Variants in DCT observed in about 807,000 individuals in gnomAD.
DCT encodes the protein L-dopachrome tautomerase.
In DCT, 47 loss-of-function variants were observed where a neutral mutation model predicts 53.0. That is an observed-to-expected ratio of 0.89 (90% CI 0.70 to 1.13). The LOEUF (loss-of-function observed/expected upper bound fraction) is 1.13. Ranked by LOEUF, DCT falls within the 50% of genes most tolerant of loss-of-function variation. The probability of loss-of-function intolerance (pLI) is 0.00; values close to 1 mark genes in which losing one functional copy is unlikely to be tolerated. For synonymous variants in DCT, 244 were observed against 237.0 expected (o/e 1.03, Z -0.27); for missense variants, 669 against 637.4 (o/e 1.05, Z -0.53).
chr13:94,477,157 G>A lies in DCT; in HGVS notation c.295+1804C>T, dbSNP rs547473708. Reference sequence around the variant, plus strand: ...GTCACCCAGGCTGGAGTGCAGTGGTGTGATTTCTGCTCACTGCAACCTCTG... The same window carrying A: ...GTCACCCAGGCTGGAGTGCAGTGGTATGATTTCTGCTCACTGCAACCTCTG... On this transcript the variant is annotated intron_variant, in intron 1 of 7. Coordinates refer to ENST00000377028, the MANE Select transcript of DCT (RefSeq NM_001922.5). 7.8e-3 allele frequency among the ~76,000 whole-genome samples: 1,194 copies of A among 152,120 alleles called. 12 individuals are homozygous for A. Among genetic ancestry groups the A allele is most frequent in the African/African-American group, 0.027 (1,103 of 41,494 alleles).
intron 6 of DCT, chr13:94,452,626 T>G: frequency 1.3e-6 from 1 of 770,464 alleles, no homozygotes; most frequent in Admixed American, 1.7e-5. Context: ...TCAAGGATGT[T>G]TGTTGTAGCA....
At chr13:94,546,403 A>T in the DCT span, among the ~76,000 whole-genome samples, 3 of 152,190 alleles carry the variant, frequency 2.0e-5, no homozygotes, top group African/African-American at 7.2e-5. This position sits in a 1 kb window ranked among gnomAD's most constrained non-coding sequence, Gnocchi z 4.2. Flanking sequence ...GTACAAATCA[A>T]AGTTCAGTTC....
the DCT span, among the ~76,000 whole-genome samples, chr13:94,527,077 T>C: frequency 7.9e-5 from 12 of 152,264 alleles, no homozygotes; most frequent in Admixed American, 3.9e-4. Context: ...GAGGGGCGTC[T>C]GCCATCGCTG....
At chr13:94,489,542 C>T in the DCT span, among the ~76,000 whole-genome samples, 1 of 152,170 alleles carries the variant, frequency 6.6e-6, no homozygotes, top group African/African-American at 2.4e-5. Context: ...GTACTTAGCA[C>T]ATTTTTATTA....
rs1425174856 is a variant in DCT, at chr13:94,437,040, C to T, written c.*2858G>A. 1 of 65,674 alleles carries T rather than the reference C, an allele frequency of 1.5e-5. No homozygotes were observed. 4.1% of individuals were successfully genotyped at this position (65,674 alleles called of 1,614,324 possible). A position where few individuals can be genotyped will look rare whatever the true frequency, so the allele number is the denominator to read the frequency against. ...CCTGCTTCCACCCCAGGATTAGTCACTAAACTGTGGGGAATATCAAAAGTA... is the reference window on the plus strand; with the variant it reads ...CCTGCTTCCACCCCAGGATTAGTCATTAAACTGTGGGGAATATCAAAAGTA... On this transcript the variant is annotated 3_prime_UTR_variant, in exon 8 of 8. Transcript: ENST00000377028.
chr13:94,489,093 T>C, the DCT span, among the ~76,000 whole-genome samples: 1 of 152,124 alleles, frequency 6.6e-6, no homozygotes, highest in South Asian at 2.1e-4. Flanking sequence ...ATGGGCCTAA[T>C]GGGGTGAGGA....
At chr13:94,520,610 G>A in the DCT span, among the ~76,000 whole-genome samples, 3 of 152,130 alleles carry the variant, frequency 2.0e-5, no homozygotes, top group Non-Finnish European at 4.4e-5. Context: ...TGATTCCCCA[G>A]GAAGAATCAA....
At chr13:94,445,177 A>G (rs1882637134) in intron 6 of DCT, among the ~76,000 whole-genome samples, 1 of 152,254 alleles carries the variant, frequency 6.6e-6, no homozygotes, top group South Asian at 2.1e-4. Context: ...TTTCTTGACT[A>G]ACATGCTTTT....
the DCT span, among the ~76,000 whole-genome samples, chr13:94,534,089 G>A: frequency 6.6e-6 from 1 of 151,694 alleles, no homozygotes; most frequent in African/African-American, 2.4e-5. Flanking sequence ...GTTGGCTGCA[G>A]CTTCAGTCCA....
At chr13:94,531,028 C>T in the DCT span, among the ~76,000 whole-genome samples, 1 of 152,134 alleles carries the variant, frequency 6.6e-6, no homozygotes, top group Admixed American at 6.5e-5. Context: ...CATAAGTGAA[C>T]TCCCATTCAC....
At chr13:94,496,597 G>C in the DCT span, among the ~76,000 whole-genome samples, 2 of 152,114 alleles carry the variant, frequency 1.3e-5, no homozygotes, top group Non-Finnish European at 2.9e-5. Flanking sequence ...TGGTGGTAAG[G>C]GACATAATTT....
At chr13:94,536,318 A>G in the DCT span, among the ~76,000 whole-genome samples, 4 of 152,202 alleles carry the variant, frequency 2.6e-5, no homozygotes, top group African/African-American at 9.7e-5. Flanking sequence ...GATGCCTCCA[A>G]GAAGCTGCTC....
rs1343820957 is a variant in DCT, at chr13:94,439,048, T to G, written c.*850A>C. ...AGCCTCACCAGCCTTCAGTCAGCCT[T>G]CCTTGGAAAGAGTAATTCTGTATTT... On this transcript the variant is annotated 3_prime_UTR_variant, in exon 8 of 8. Coordinates refer to ENST00000377028, the MANE Select transcript of DCT (RefSeq NM_001922.5). 5.5e-6 allele frequency: 1 copy of G among 180,918 alleles called. No individual in the cohort carries two copies. The highest frequency in any genetic ancestry group is 1.2e-5 in the Non-Finnish European group (1 of 86,520). 11.2% of individuals were successfully genotyped at this position (180,918 alleles called of 1,614,324 possible).
chr13:94,524,744 C>T, the DCT span, among the ~76,000 whole-genome samples: 60,536 of 151,756 alleles, frequency 0.4, 12,734 homozygotes, highest in East Asian at 0.61. Context: ...TGCCCTCGTG[C>T]CCCCAAATTT....
chr13:94,444,934 C>T (rs908876086), intron 6 of DCT, among the ~76,000 whole-genome samples: 1 of 152,154 alleles, frequency 6.6e-6, no homozygotes, highest in African/African-American at 2.4e-5. Flanking sequence ...TAGTATACAA[C>T]CTGGACAGAG....
At chr13:94,505,171 T>C in the DCT span, among the ~76,000 whole-genome samples, 1 of 150,936 alleles carries the variant, frequency 6.6e-6, no homozygotes, top group African/African-American at 2.4e-5. Context: ...GGTTTGGTCT[T>C]GGGGAAAGCA....
At chr13:94,440,126 C>CT (rs1882184872) in intron 7 of DCT, 50 bp from the exon 8 acceptor site, 1 of 1,500,274 alleles carries the variant, frequency 6.7e-7, no homozygotes, top group African/African-American at 1.4e-5. Context: ...CAGCTGAATA[C>CT]TTTCAGAAGA....
the DCT span, among the ~76,000 whole-genome samples, chr13:94,547,962 CA>C: frequency 9.9e-3 from 674 of 67,814 alleles, 3 homozygotes; most frequent in East Asian, 0.017. Flanking sequence ...AACTCCGTCT[CA>C]AAAAAAAAAA....
At chr13:94,512,971 G>A in the DCT span, among the ~76,000 whole-genome samples, 1 of 152,190 alleles carries the variant, frequency 6.6e-6, no homozygotes, top group Admixed American at 6.5e-5. Flanking sequence ...TAGAAAGAAG[G>A]GCTTTCCAGG....
Sources: allele counts gnomAD v4.1 joint callset (sites outside exome capture counted in the v4.1 genomes callset), GRCh38; gene constraint gnomAD v4.1.1; non-coding constraint Gnocchi (gnomAD v3.1); transcripts MANE v1.5; gene names NCBI Gene and HGNC (gene_info 2026-07-23, HGNC 2026-07-21).